CDH11: variants seen among roughly 807,000 people sequenced by gnomAD.
CDH11 encodes cadherin 11, also known as cadherin-11.
CDH11 carries 11 observed loss-of-function variants against 67.8 expected under a neutral mutation model. The observed-to-expected ratio is 0.16, with a 90% CI of 0.10 to 0.27. The LOEUF is 0.27. CDH11 is among the 10% of genes least tolerant of loss of function. The pLI is 1.00. For synonymous variants in CDH11, 419 were observed against 400.0 expected, an observed-to-expected ratio of 1.05 and a Z score of -0.57; for missense variants, 847 against 1,031.2, an observed-to-expected ratio of 0.82 and a Z score of 2.45.
upstream of CDH11, chr16:65,123,586 C>G (rs936678285): frequency 2.0e-5 from 3 of 152,256 alleles, no homozygotes; most frequent in Admixed American, 6.5e-5. Flanking sequence ...GCCCGCGGGT[C>G]CCGAGCGCCC....
chr16:64,960,932 A>T (rs2071657079), intron 11 of CDH11, among the ~76,000 whole-genome samples: 1 of 152,148 alleles, frequency 6.6e-6, no homozygotes, highest in African/African-American at 2.4e-5. Context: ...GTCACCATGT[A>T]GTTACAGCTT....
In CDH11 at chr16:65,014,861, A is replaced by AT. The variant is rs111296967; in HGVS notation, c.-172-9821dup. Among the ~76,000 whole-genome samples the AT allele has an allele frequency of 5.6e-4, 83 of 147,758 alleles. 1 individual carries two copies. The highest frequency in any genetic ancestry group is 5.4e-4 in the Admixed American group (8 of 14,708). ...AATAAAGAGCATTTGGTTTAAAACA[A>AT]TTTTTTTTTTTGAGATGGAGTTTCG... On this transcript the variant is annotated intron_variant, in intron 2 of 12. Coordinates refer to ENST00000268603, the MANE Select transcript of CDH11 (RefSeq NM_001797.4).
At chr16:65,072,600 G>A (rs904884478) in intron 1 of CDH11, among the ~76,000 whole-genome samples, 2 of 152,082 alleles carry the variant, frequency 1.3e-5, no homozygotes, top group African/African-American at 2.4e-5. Flanking sequence ...GTTTTAGGGA[G>A]CATTTTTAAC....
chr16:64,971,824 C>T, intron 10 of CDH11, 107 bp downstream of exon 10: 2 of 1,443,698 alleles, frequency 1.4e-6, no homozygotes, highest in Non-Finnish European at 1.9e-6. Flanking sequence ...AACTATGGCT[C>T]TGAAACCTTT....
chr16:64,954,945 A>T (rs907679602), intron 11 of CDH11, among the ~76,000 whole-genome samples: 1 of 81,926 alleles, frequency 1.2e-5, no homozygotes, highest in African/African-American at 3.4e-5. Flanking sequence ...CTCTACTAAA[A>T]AATAAAAAAA....
chr16:64,962,651 A>C (rs1053684455), intron 11 of CDH11, among the ~76,000 whole-genome samples: 57 of 152,302 alleles, frequency 3.7e-4, no homozygotes, highest in African/African-American at 1.3e-3. Flanking sequence ...AGTGAATATT[A>C]GAGAAAAATT....
chr16:64,951,073 G>A lies in CDH11; in HGVS notation c.1643-55C>T, dbSNP rs984796718. 4 of 1,562,766 alleles carry A rather than the reference G, an allele frequency of 2.6e-6. No individual in the cohort carries two copies. In the Admixed American group the frequency reaches 6.9e-5, roughly 27 times the overall value. On this transcript the variant is annotated intron_variant, in intron 11 of 12. Transcript: ENST00000268603. Reference sequence around the variant, plus strand: ...CCCAGTCAAGACCATTGGAATCACAGCGGCTCTCTGCTCGGCAGATTTGAG... The same window carrying A: ...CCCAGTCAAGACCATTGGAATCACAACGGCTCTCTGCTCGGCAGATTTGAG...
intron 1 of CDH11, among the ~76,000 whole-genome samples, chr16:65,058,086 G>T (rs1357923548): frequency 6.6e-6 from 1 of 152,102 alleles, no homozygotes; most frequent in Non-Finnish European, 1.5e-5. Flanking sequence ...AGCTGGGTGT[G>T]GTGGCAGGTG....
chr16:64,947,496 G>A lies in CDH11; in HGVS notation c.*107C>T, dbSNP rs2071224051. 6 of 1,509,630 alleles carry A rather than the reference G, an allele frequency of 4.0e-6. No homozygotes were observed. The highest frequency in any genetic ancestry group is 4.4e-6 in the Non-Finnish European group (5 of 1,132,484). 93.5% of individuals were successfully genotyped at this position (1,509,630 alleles called of 1,614,324 possible). ...GTATCCTCTCTGTAAAACTTTGCCT[G>A]TTTTAAATGAGCCTTTCCTTGATTT... On this transcript the variant is annotated 3_prime_UTR_variant, in exon 13 of 13. Coordinates refer to ENST00000268603, the MANE Select transcript of CDH11 (RefSeq NM_001797.4).
Position 64,979,516 on chromosome 16 carries a change from T to C in CDH11, c.1253+2532A>G, listed in dbSNP as rs149561688. 6.2e-3 allele frequency among the ~76,000 whole-genome samples: 949 copies of C among 152,124 alleles called. 17 individuals are homozygous for C. Among genetic ancestry groups the C allele is most frequent in the African/African-American group, 0.021 (861 of 41,460 alleles). On this transcript the variant is annotated intron_variant, in intron 8 of 12. Coordinates refer to ENST00000268603, the MANE Select transcript of CDH11 (RefSeq NM_001797.4). ...TCATTATGAAAATACAAATCAAAAC[T>C]ATAATGATATATCATTTCATACCCA...
chr16:65,104,036 C>G (rs759295033), intron 1 of CDH11, among the ~76,000 whole-genome samples: 8 of 152,008 alleles, frequency 5.3e-5, no homozygotes, highest in Non-Finnish European at 1.0e-4. Flanking sequence ...TTGGACTGCA[C>G]TGGGTTAAAG....
At chr16:65,072,466 C>T (rs931885777) in intron 1 of CDH11, among the ~76,000 whole-genome samples, 4 of 152,190 alleles carry the variant, frequency 2.6e-5, no homozygotes, top group Admixed American at 6.5e-5. Flanking sequence ...GGGAGGACCT[C>T]GAACTATTTG....
intron 1 of CDH11, among the ~76,000 whole-genome samples, chr16:65,065,514 A>G (rs1447355217): frequency 1.3e-5 from 2 of 152,224 alleles, no homozygotes; most frequent in Admixed American, 1.3e-4. Flanking sequence ...AGGACCCATG[A>G]AGATAAAACT....
chr16:65,084,593 C>T (rs1567569264), intron 1 of CDH11, among the ~76,000 whole-genome samples: 1 of 152,108 alleles, frequency 6.6e-6, no homozygotes, highest in Non-Finnish European at 1.5e-5. Context: ...TGAGAATAGT[C>T]GTCATTTTTG....
chr16:65,026,846 G>C (rs1447006274), intron 2 of CDH11, among the ~76,000 whole-genome samples: 2 of 152,084 alleles, frequency 1.3e-5, no homozygotes, highest in Non-Finnish European at 2.9e-5. Flanking sequence ...ATCCTTCCTT[G>C]CCTAAGTCTC....
chr16:65,062,083 C>A (rs1001778374), intron 1 of CDH11, among the ~76,000 whole-genome samples: 3 of 152,098 alleles, frequency 2.0e-5, no homozygotes, highest in Admixed American at 1.3e-4. Flanking sequence ...AAATAGGGCA[C>A]TAAATTAGGA....
intron 2 of CDH11, among the ~76,000 whole-genome samples, chr16:65,013,432 G>C (rs1520243): frequency 0.51 from 76,828 of 151,900 alleles, 19,844 homozygotes; most frequent in East Asian, 0.78. Context: ...ATGGGCTCAG[G>C]AATCAGAAGG....
At chr16:64,995,275 G>T (rs562012695) in intron 4 of CDH11, among the ~76,000 whole-genome samples, 1 of 151,864 alleles carries the variant, frequency 6.6e-6, no homozygotes, top group Admixed American at 6.6e-5. Context: ...AAAAGAGCCC[G>T]AATAGTCAAA....
chr16:65,122,173 G>A (rs983882779), upstream of CDH11: 1 of 555,316 alleles, frequency 1.8e-6, no homozygotes, highest in Non-Finnish European at 3.2e-6. Flanking sequence ...CGCTGTGAGG[G>A]AAGGAAAGGG....
Sources: allele counts gnomAD v4.1 joint callset (sites outside exome capture counted in the v4.1 genomes callset), GRCh38; gene constraint gnomAD v4.1.1; transcripts MANE v1.5; gene names NCBI Gene and HGNC (gene_info 2026-07-23, HGNC 2026-07-21).